Variants in OR7C1 observed in about 807,000 individuals in gnomAD.
OR7C1 encodes the protein olfactory receptor 7C1.
For missense variants in OR7C1, 324 were observed against 383.3 expected, an observed-to-expected ratio of 0.85 and a Z score of 1.29; for synonymous variants, 152 against 160.7, an observed-to-expected ratio of 0.95 and a Z score of 0.41.
At chr19:14,803,594 A>C (rs12977330) in intron 2 of OR7C1, among the ~76,000 whole-genome samples, 1 of 151,968 alleles carries the variant, frequency 6.6e-6, no homozygotes, top group African/African-American at 2.4e-5. Context: ...CTGCAGCTTG[A>C]TTTTACAGGC....
At position 14,813,572 on chromosome 19, in the gene OR7C1, C is replaced by T. The variant is rs1456958025; in HGVS notation, c.-622-3579G>A. On this transcript the variant is annotated intron_variant, in intron 1 of 4. Coordinates refer to ENST00000641666, the Ensembl canonical transcript of OR7C1. ...TCCGTATCAAAAAAAAGATACTACC[C>T]GATACTGGGTAATTTATAAACAAAA... Among the ~76,000 whole-genome samples the T allele has an allele frequency of 5.9e-5, 9 of 151,970 alleles. 1 individual carries two copies. Among genetic ancestry groups the T allele is most frequent in the African/African-American group, 1.7e-4 (7 of 41,444 alleles).
At chr19:14,806,163 C>T (rs2044665816) in intron 2 of OR7C1, among the ~76,000 whole-genome samples, 2 of 151,834 alleles carry the variant, frequency 1.3e-5, no homozygotes, top group Non-Finnish European at 2.9e-5. Context: ...TGGGCAATAC[C>T]TAGTGTCCTT....
chr19:14,830,816 C>T (rs931954562), intron 1 of OR7C1, among the ~76,000 whole-genome samples: 1 of 152,180 alleles, frequency 6.6e-6, no homozygotes, highest in South Asian at 2.1e-4. Context: ...TGCCTTTCTT[C>T]ATGGTCCAGG....
chr19:14,824,600 T>A (rs563991608), intron 1 of OR7C1: 1 of 152,226 alleles, frequency 6.6e-6, no homozygotes, highest in African/African-American at 2.4e-5. Flanking sequence ...GTGTACATAC[T>A]ACATTTTCTT....
intron 4 of OR7C1, 52 bp from the exon 5 acceptor site, chr19:14,800,201 T>C: frequency 1.4e-6 from 2 of 1,460,224 alleles, no homozygotes; most frequent in South Asian, 1.5e-5. Context: ...ACTGGCAACA[T>C]GGAAATTTGG....
chr19:14,832,299 G>A (rs929135985), intron 1 of OR7C1, among the ~76,000 whole-genome samples: 5 of 152,060 alleles, frequency 3.3e-5, no homozygotes, highest in Admixed American at 3.3e-4. Context: ...TAATTCTACT[G>A]TATTTTCACC....
chr19:14,815,184 C>A (rs1419582552), intron 1 of OR7C1, among the ~76,000 whole-genome samples: 1 of 152,224 alleles, frequency 6.6e-6, no homozygotes, highest in Admixed American at 6.5e-5. Context: ...GATTGGGCAA[C>A]TTTCTCCTGA....
At chr19:14,827,960 G>A in intron 1 of OR7C1, 2 of 1,614,226 alleles carry the variant, frequency 1.2e-6, no homozygotes, top group Non-Finnish European at 1.7e-6. Flanking sequence ...GGCAGGCTAT[G>A]TAGGTGATGA....
Position 14,810,910 on chromosome 19 carries a change from T to G in OR7C1, c.-622-917A>C, listed in dbSNP as rs1469207489. 9.9e-5 allele frequency among the ~76,000 whole-genome samples: 15 copies of G among 151,950 alleles called. 1 individual carries two copies. The highest frequency in any genetic ancestry group is 2.4e-4 in the African/African-American group (10 of 41,244). The stretch of plus-strand genomic sequence containing the variant: ...TTTTAATCCACATGATCTAATTTTT[T>G]GGGCTATATTTCTATGTATGTTATT... On this transcript the variant is annotated intron_variant, in intron 1 of 4. Transcript: ENST00000641666.
At chr19:14,808,380 A>G (rs974157997) in intron 2 of OR7C1, among the ~76,000 whole-genome samples, 22 of 151,996 alleles carry the variant, frequency 1.4e-4, no homozygotes, top group African/African-American at 4.8e-4. Flanking sequence ...GTGTCCACCA[A>G]TGTATGATTG....
intron 1 of OR7C1, chr19:14,826,327 T>G (rs1008533572): frequency 6.6e-6 from 1 of 152,232 alleles, no homozygotes; most frequent in African/African-American, 2.4e-5. Flanking sequence ...CATTGAATAT[T>G]GTTCACTGAC....
At chr19:14,824,458 T>C (rs1359926252) in intron 1 of OR7C1, 1 of 152,232 alleles carries the variant, frequency 6.6e-6, no homozygotes, top group Non-Finnish European at 1.5e-5. Flanking sequence ...CTCGCACTTA[T>C]AAGCGAGAAC....
At chr19:14,803,307 CAAAAA>C (rs553496845) in intron 2 of OR7C1, among the ~76,000 whole-genome samples, 1 of 83,592 alleles carries the variant, frequency 1.2e-5, no homozygotes, top group Non-Finnish European at 2.3e-5. Flanking sequence ...ACTATGTCTC[CAAAAA>C]AAAAAAAAAA....
intron 1 of OR7C1, among the ~76,000 whole-genome samples, chr19:14,833,172 C>T (rs565888622): frequency 2.6e-5 from 4 of 152,182 alleles, no homozygotes; most frequent in Middle Eastern, 3.4e-3. Flanking sequence ...TACACAAAGT[C>T]AGAGGAATTA....
At chr19:14,804,234 C>T (rs1229416991) in intron 2 of OR7C1, among the ~76,000 whole-genome samples, 6 of 152,140 alleles carry the variant, frequency 3.9e-5, no homozygotes, top group African/African-American at 1.4e-4. Flanking sequence ...CAGAGCCAAA[C>T]TGCAAAGGTT....
At chr19:14,822,751 T>A (rs2044747256) in intron 1 of OR7C1, among the ~76,000 whole-genome samples, 1 of 152,124 alleles carries the variant, frequency 6.6e-6, no homozygotes, top group African/African-American at 2.4e-5. Context: ...TAATGTACAT[T>A]TCTCTGATAA....
At chr19:14,798,961 A>AC (rs2044624577) in exon 5 of OR7C1, 1 of 492,130 alleles carries the variant, frequency 2.0e-6, no homozygotes, top group African/African-American at 2.0e-5. Context: ...TCTTTGTTAG[A>AC]AAAGAAATGA....
At chr19:14,803,425 CGCT>C (rs1417127589) in intron 2 of OR7C1, among the ~76,000 whole-genome samples, 11 of 151,592 alleles carry the variant, frequency 7.3e-5, no homozygotes, top group Non-Finnish European at 1.3e-4. Flanking sequence ...CTTTGCGGGT[CGCT>C]GCCATGTTGT....
At chr19:14,830,789 T>C (rs1216244383) in intron 1 of OR7C1, among the ~76,000 whole-genome samples, 2 of 152,096 alleles carry the variant, frequency 1.3e-5, no homozygotes, top group South Asian at 4.1e-4. Flanking sequence ...AAAGAGAAGA[T>C]AGATAAGCTC....
Sources: allele counts gnomAD v4.1 joint callset (sites outside exome capture counted in the v4.1 genomes callset), GRCh38; gene constraint gnomAD v4.1.1; transcripts MANE v1.5; gene names NCBI Gene and HGNC (gene_info 2026-07-23, HGNC 2026-07-21).